HPSE2: variants seen among roughly 807,000 people sequenced by gnomAD.
HPSE2 encodes heparanase 2 (inactive).
A neutral mutation model predicts 60.5 loss-of-function variants in HPSE2; 38 were observed. The ratio of observed to expected loss-of-function variants is 0.63; its 90% CI spans 0.48 to 0.82. HPSE2 has a LOEUF of 0.82. HPSE2 is among the 40% of genes least tolerant of loss of function. The probability of loss-of-function intolerance (pLI) is 0.00; values close to 1 mark genes in which losing one functional copy is unlikely to be tolerated. For synonymous variants in HPSE2, 295 were observed against 293.2 expected (o/e 1.01, Z -0.06); for missense variants, 713 against 740.4 (o/e 0.96, Z 0.43).
chr10:98,743,895 C>G lies in HPSE2; in HGVS notation c.772G>C (p.Glu258Gln), dbSNP rs1462997249. The change falls in exon 4 of 12, where the codon GAA (glutamate) becomes CAA (glutamine). Residue 258 changes from glutamate to glutamine, a missense_variant. By Grantham distance (29) the Glu-to-Gln change is conservative. Transcript: ENST00000370552. ...CATCCTTACTTACCATTACCCAGTT[C>G]CCAAGAAATGTTGTACTTTTTGCTG... ...SASKKYNISW[E>Q]LGNEPNNYRT... is the part of the protein sequence containing the mutation. The G allele has an allele frequency of 6.2e-7, 1 of 1,613,796 alleles. No homozygotes were observed. Among genetic ancestry groups the G allele is most frequent in the Non-Finnish European group, 8.5e-7 (1 of 1,179,696 alleles).
chr10:99,217,734 C>A (rs10786523), intron 2 of HPSE2, among the ~76,000 whole-genome samples: 1 of 151,722 alleles, frequency 6.6e-6, no homozygotes, highest in East Asian at 1.9e-4. Flanking sequence ...GACTACAGGT[C>A]TGTGCCACCA....
At chr10:99,194,103 A>G (rs1480605980) in intron 2 of HPSE2, among the ~76,000 whole-genome samples, 1 of 152,156 alleles carries the variant, frequency 6.6e-6, no homozygotes, top group Non-Finnish European at 1.5e-5. Context: ...GAATAAAACT[A>G]GAAATTAATA....
At chr10:98,533,883 T>C (rs890338819) in intron 9 of HPSE2, among the ~76,000 whole-genome samples, 4 of 152,254 alleles carry the variant, frequency 2.6e-5, no homozygotes, top group African/African-American at 9.6e-5. Flanking sequence ...AATTTCAAAA[T>C]GACCATTTTC....
intron 3 of HPSE2, among the ~76,000 whole-genome samples, chr10:98,859,520 G>A (rs545604343): frequency 1.5e-4 from 23 of 152,278 alleles, no homozygotes; most frequent in African/African-American, 4.8e-4. Context: ...AAAAAGTGGA[G>A]AAGTAGAAAT....
At chr10:99,116,998 A>T (rs1844718190) in intron 3 of HPSE2, among the ~76,000 whole-genome samples, 1 of 152,148 alleles carries the variant, frequency 6.6e-6, no homozygotes. Flanking sequence ...TAGGGGTGAG[A>T]ACAAAAAAAG....
chr10:98,696,470 G>A (rs1948221091), intron 5 of HPSE2, among the ~76,000 whole-genome samples: 1 of 152,084 alleles, frequency 6.6e-6, no homozygotes, highest in Non-Finnish European at 1.5e-5. Context: ...GGGAAGCCCC[G>A]ATCCTCAGTC....
intron 3 of HPSE2, among the ~76,000 whole-genome samples, chr10:98,879,852 C>CAT (rs143018258): frequency 6.9e-6 from 1 of 145,676 alleles, no homozygotes; most frequent in Non-Finnish European, 1.5e-5. Context: ...TGTGCATGTG[C>CAT]GTGTGTGTGT....
At chr10:99,153,779 AGGCTTCAGAC>A (rs1846394435) in intron 2 of HPSE2, among the ~76,000 whole-genome samples, 1 of 152,246 alleles carries the variant, frequency 6.6e-6, no homozygotes, top group Non-Finnish European at 1.5e-5. Flanking sequence ...TGAGAGAAGA[AGGCTTCAGAC>A]GATCAAATTA....
At chr10:98,666,825 G>A (rs1161035110) in intron 6 of HPSE2, among the ~76,000 whole-genome samples, 1 of 152,032 alleles carries the variant, frequency 6.6e-6, no homozygotes, top group Admixed American at 6.5e-5. Flanking sequence ...CCTTCATTAA[G>A]TAGTTAAAAA....
At chr10:99,191,391 A>C (rs1253379669) in intron 2 of HPSE2, among the ~76,000 whole-genome samples, 2 of 151,948 alleles carry the variant, frequency 1.3e-5, no homozygotes, top group Admixed American at 6.6e-5. Flanking sequence ...CCTCTCCCCT[A>C]TCTCAAGGCA....
At chr10:98,557,847 G>C (rs1039622531) in intron 9 of HPSE2, among the ~76,000 whole-genome samples, 1 of 152,122 alleles carries the variant, frequency 6.6e-6, no homozygotes, top group Non-Finnish European at 1.5e-5. Flanking sequence ...TATTTGGGAG[G>C]CTGAGGCAGG....
chr10:98,927,119 G>C (rs970334959), intron 3 of HPSE2, among the ~76,000 whole-genome samples: 3 of 152,030 alleles, frequency 2.0e-5, no homozygotes, highest in African/African-American at 7.3e-5. Flanking sequence ...TGTCTATTAG[G>C]TCTGCTTGGT....
intron 9 of HPSE2, among the ~76,000 whole-genome samples, chr10:98,563,736 C>T (rs926729691): frequency 2.0e-5 from 3 of 152,098 alleles, no homozygotes; most frequent in African/African-American, 7.2e-5. Flanking sequence ...TGTATATCCA[C>T]ATGCACATGT....
At chr10:98,648,368 A>G (rs910784460) in intron 6 of HPSE2, among the ~76,000 whole-genome samples, 2 of 152,190 alleles carry the variant, frequency 1.3e-5, no homozygotes, top group African/African-American at 4.8e-5. Context: ...GACCTCTAAA[A>G]ATTTTCAGAA....
At chr10:98,919,364 G>A (rs1465076447) in intron 3 of HPSE2, among the ~76,000 whole-genome samples, 1 of 152,120 alleles carries the variant, frequency 6.6e-6, no homozygotes, top group South Asian at 2.1e-4. Context: ...GCCATGCTAC[G>A]GAGCTTGGAT....
chr10:99,030,295 T>C (rs1254562705), intron 3 of HPSE2, among the ~76,000 whole-genome samples: 1 of 152,210 alleles, frequency 6.6e-6, no homozygotes, highest in East Asian at 1.9e-4. Flanking sequence ...GGCACCTGGG[T>C]GGCTTGCTGC....
At chr10:98,571,741 C>T (rs762231078) in intron 9 of HPSE2, among the ~76,000 whole-genome samples, 2 of 152,090 alleles carry the variant, frequency 1.3e-5, no homozygotes, top group African/African-American at 4.8e-5. Context: ...AAGGTGCCTT[C>T]GAGACAAAGT....
intron 3 of HPSE2, among the ~76,000 whole-genome samples, chr10:98,889,274 C>G: frequency 6.6e-6 from 1 of 152,112 alleles, no homozygotes; most frequent in Admixed American, 6.6e-5. Context: ...CCTCTGCACC[C>G]ATGGCTCAAG....
At chr10:98,793,691 G>A (rs1453390812) in intron 3 of HPSE2, among the ~76,000 whole-genome samples, 1 of 152,186 alleles carries the variant, frequency 6.6e-6, no homozygotes, top group Admixed American at 6.5e-5. Context: ...AACTACTTTT[G>A]TCTGAATAAT....
Sources: allele counts gnomAD v4.1 joint callset (sites outside exome capture counted in the v4.1 genomes callset), GRCh38; gene constraint gnomAD v4.1.1; transcripts MANE v1.5; gene names NCBI Gene and HGNC (gene_info 2026-07-23, HGNC 2026-07-21).